The following AGMO variants were observed in gnomAD, a reference collection of about 807,000 sequenced individuals.
AGMO encodes the protein glyceryl-ether monooxygenase.
In AGMO, 75 loss-of-function variants were observed where a neutral mutation model predicts 60.2. That is an observed-to-expected ratio of 1.25 (90% CI 1.03 to 1.51). The LOEUF is 1.51. Ranked by LOEUF, AGMO falls within the 40% of genes most tolerant of loss-of-function variation. AGMO has a pLI of 0.00. For missense variants in AGMO, 763 were observed against 525.5 expected (o/e 1.45, Z -4.42); for synonymous variants, 261 against 177.1 (o/e 1.47, Z -3.76).
At chr7:15,420,423 T>C (rs1780894214) in intron 4 of AGMO, among the ~76,000 whole-genome samples, 2 of 152,174 alleles carry the variant, frequency 1.3e-5, no homozygotes, top group Middle Eastern at 3.4e-3. Context: ...AACTGACCAA[T>C]GGAAAAATAA....
chr7:15,404,937 A>T (rs1192225995), intron 5 of AGMO, among the ~76,000 whole-genome samples: 1 of 151,878 alleles, frequency 6.6e-6, no homozygotes, highest in Non-Finnish European at 1.5e-5. Context: ...ATAAACTTTT[A>T]TCTGTTAAAA....
chr7:15,510,850 T>G (rs1472421022), intron 3 of AGMO, among the ~76,000 whole-genome samples: 1 of 148,374 alleles, frequency 6.7e-6, no homozygotes, highest in Non-Finnish European at 1.5e-5. Context: ...CAAGAGTTTA[T>G]ATTATAATAT....
intron 4 of AGMO, among the ~76,000 whole-genome samples, chr7:15,421,909 A>T (rs1025994019): frequency 2.0e-5 from 3 of 152,176 alleles, no homozygotes; most frequent in African/African-American, 7.2e-5. Flanking sequence ...GAAGTCAGAA[A>T]GAGTTGCAGT....
At chr7:15,424,587 A>G (rs1041680583) in intron 4 of AGMO, among the ~76,000 whole-genome samples, 1 of 152,216 alleles carries the variant, frequency 6.6e-6, no homozygotes, top group African/African-American at 2.4e-5. Flanking sequence ...TAAGCTACAG[A>G]ATAATTAATT....
At chr7:15,278,737 T>A (rs965834026) in intron 12 of AGMO, among the ~76,000 whole-genome samples, 1 of 152,206 alleles carries the variant, frequency 6.6e-6, no homozygotes, top group African/African-American at 2.4e-5. Context: ...ACTCCCTCCC[T>A]GGTCCAGGGC....
chr7:15,560,727 G>C (rs1785281555), intron 1 of AGMO, among the ~76,000 whole-genome samples: 2 of 152,098 alleles, frequency 1.3e-5, no homozygotes, highest in Admixed American at 1.3e-4. Flanking sequence ...AATTCAAAGA[G>C]TAGAGACAAT....
At chr7:15,144,351 C>T in the AGMO span, among the ~76,000 whole-genome samples, 1 of 152,084 alleles carries the variant, frequency 6.6e-6, no homozygotes, top group Non-Finnish European at 1.5e-5. Flanking sequence ...GTTTTAATTA[C>T]TTAAATATTA....
intron 2 of AGMO, among the ~76,000 whole-genome samples, chr7:15,554,715 A>C (rs1441989737): frequency 6.6e-6 from 1 of 152,100 alleles, no homozygotes; most frequent in Non-Finnish European, 1.5e-5. Context: ...ATTAATCCTC[A>C]TTTTTTACAA....
intron 6 of AGMO, among the ~76,000 whole-genome samples, chr7:15,391,624 A>G (rs577562004): frequency 1.3e-5 from 2 of 152,316 alleles, no homozygotes; most frequent in African/African-American, 2.4e-5. Context: ...ATTCCTTTGC[A>G]TGGTTTCCAT....
At chr7:15,184,555 G>A in the AGMO span, among the ~76,000 whole-genome samples, 12 of 128,602 alleles carry the variant, frequency 9.3e-5, 1 homozygote, top group African/African-American at 2.8e-4. Context: ...AGGAAGGAAG[G>A]AAAAGGAGGG....
At chr7:15,185,077 C>T in the AGMO span, among the ~76,000 whole-genome samples, 1 of 152,048 alleles carries the variant, frequency 6.6e-6, no homozygotes, top group Non-Finnish European at 1.5e-5. Context: ...CAATGTTTTT[C>T]AGAATATAAA....
In AGMO at chr7:15,454,954, T is replaced by G. The variant is rs540974412; in HGVS notation, c.410-23846A>C. On this transcript the variant is annotated intron_variant, in intron 3 of 12. Coordinates refer to ENST00000342526, the MANE Select transcript of AGMO (RefSeq NM_001004320.2). ...CTTCTGCCTTTGGTACTTTTCTCCA[T>G]GTTGTTAAACGGCATTCTTCCATTA... is the stretch of plus-strand genomic sequence containing the variant. Among the ~76,000 whole-genome samples, 138 of 152,206 alleles carry G rather than the reference T, an allele frequency of 9.1e-4. 1 individual carries two copies. The highest frequency in any genetic ancestry group is 1.7e-3 in the Non-Finnish European group (113 of 67,998).
chr7:15,500,281 T>C (rs1235859419), intron 3 of AGMO, among the ~76,000 whole-genome samples: 1 of 151,906 alleles, frequency 6.6e-6, no homozygotes, highest in African/African-American at 2.4e-5. Context: ...CAGGGAATAT[T>C]CAATGGACAA....
At chr7:15,157,323 A>G in the AGMO span, among the ~76,000 whole-genome samples, 1 of 152,182 alleles carries the variant, frequency 6.6e-6, no homozygotes, top group African/African-American at 2.4e-5. Context: ...AGGAGAGTAA[A>G]GAGTGGAGTG....
At chr7:15,522,756 T>C (rs1390612849) in intron 3 of AGMO, among the ~76,000 whole-genome samples, 1 of 152,104 alleles carries the variant, frequency 6.6e-6, no homozygotes, top group East Asian at 1.9e-4. Context: ...GAAGAAAACC[T>C]AGGCAATACC....
intron 12 of AGMO, among the ~76,000 whole-genome samples, chr7:15,341,485 C>A (rs1057263690): frequency 6.6e-6 from 1 of 152,174 alleles, no homozygotes; most frequent in Non-Finnish European, 1.5e-5. Flanking sequence ...ATATCACTAT[C>A]AGCATTTTGG....
intron 12 of AGMO, among the ~76,000 whole-genome samples, chr7:15,207,228 T>C (rs943212259): frequency 1.3e-5 from 2 of 152,196 alleles, no homozygotes; most frequent in East Asian, 3.8e-4. Flanking sequence ...AATTAGCTAC[T>C]GCACATGTAA....
chr7:15,559,162 C>G (rs117036668), intron 2 of AGMO, among the ~76,000 whole-genome samples: 13 of 152,158 alleles, frequency 8.5e-5, no homozygotes, highest in Non-Finnish European at 1.2e-4. Context: ...CTAATTTTAT[C>G]ATCAACATAA....
chr7:15,227,499 A>G (rs1782122172), intron 12 of AGMO, among the ~76,000 whole-genome samples: 1 of 149,558 alleles, frequency 6.7e-6, no homozygotes, highest in South Asian at 2.1e-4. Context: ...AGTTTATAGG[A>G]TGGCAGATTA....
Sources: gnomAD v4.1 joint callset for allele counts (sites outside exome capture counted in the v4.1 genomes callset) on GRCh38, gnomAD v4.1.1 for gene constraint, MANE v1.5 for transcripts, NCBI Gene and HGNC (gene_info 2026-07-23, HGNC 2026-07-21) for gene names.